Variants in IL2RB observed in about 807,000 individuals in gnomAD.
IL2RB encodes interleukin-2 receptor subunit beta.
A neutral mutation model predicts 44.2 loss-of-function variants in IL2RB; 17 were observed. The observed-to-expected ratio is 0.38, with a 90% confidence interval of 0.26 to 0.58. The LOEUF (loss-of-function observed/expected upper bound fraction) is 0.58, where lower values mean the gene tolerates loss of function less well. Ranked by LOEUF, IL2RB falls within the 20% of genes least tolerant of loss-of-function variation. IL2RB has a pLI of 0.63. For missense variants in IL2RB, 624 were observed against 685.5 expected, an observed-to-expected ratio of 0.91 and a Z score of 1.00; for synonymous variants, 286 against 297.9, an observed-to-expected ratio of 0.96 and a Z score of 0.41.
At chr22:37,143,817 A>G (rs898357643) in intron 2 of IL2RB, among the ~76,000 whole-genome samples, 182 bp from the exon 3 acceptor site, 2 of 152,078 alleles carry the variant, frequency 1.3e-5, no homozygotes, top group Admixed American at 6.5e-5. Flanking sequence ...CAGAGCCTGC[A>G]AGTTCCTACA....
intron 1 of IL2RB, among the ~76,000 whole-genome samples, chr22:37,174,805 C>T (rs5756536): frequency 0.26 from 40,116 of 152,118 alleles, 5,800 homozygotes; most frequent in East Asian, 0.45. Context: ...GATATGACAC[C>T]TGGACCCAGA....
At chr22:37,138,977 A>C in intron 5 of IL2RB, 140 bp downstream of exon 5, 1 of 618,978 alleles carries the variant, frequency 1.6e-6, no homozygotes, top group African/African-American at 1.8e-5. Flanking sequence ...CGTCATCCCG[A>C]GAACAGCGGG....
At chr22:37,163,075 C>T (rs1267600665) in intron 1 of IL2RB, among the ~76,000 whole-genome samples, 1 of 152,208 alleles carries the variant, frequency 6.6e-6, no homozygotes, top group Non-Finnish European at 1.5e-5. Context: ...AGGGTCGCTC[C>T]CTGCAGTCAT....
In IL2RB at chr22:37,128,014, G is replaced by T; in HGVS notation, c.*82C>A. On this transcript the variant is annotated 3_prime_UTR_variant, in exon 10 of 10. Coordinates refer to ENST00000216223, the MANE Select transcript of IL2RB (RefSeq NM_000878.5). The surrounding 1 kb of genome is among the most constrained non-coding windows in gnomAD (Gnocchi z 4.5). ...AACTGGACACTGAGTGTCCTCAGCA[G>T]TGGACTGAGGACCCTCAACAGGGTC... The T allele has an allele frequency of 1.7e-6, 2 of 1,176,990 alleles. No homozygotes were observed. The highest frequency in any genetic ancestry group is 2.3e-6 in the Non-Finnish European group (2 of 878,580). 72.9% of individuals were successfully genotyped at this position (1,176,990 alleles called of 1,614,324 possible).
At chr22:37,155,682 C>G in intron 1 of IL2RB, among the ~76,000 whole-genome samples, 1 of 152,232 alleles carries the variant, frequency 6.6e-6, no homozygotes, top group East Asian at 1.9e-4. Context: ...AGAAGCTTCT[C>G]TGATGGCAGA....
chr22:37,136,533 T>C (rs908631655), intron 6 of IL2RB, 140 bp from the exon 7 acceptor site: 2 of 877,698 alleles, frequency 2.3e-6, no homozygotes, highest in Non-Finnish European at 3.4e-6. Context: ...CACTACCCAG[T>C]TGCTGGGGCC....
chr22:37,136,815 C>T (rs1921730206), intron 6 of IL2RB, among the ~76,000 whole-genome samples: 1 of 152,204 alleles, frequency 6.6e-6, no homozygotes, highest in African/African-American at 2.4e-5. Context: ...TTGCCTCCTC[C>T]TGCTCCCCAG....
At chr22:37,140,663 C>G (rs1431190365) in intron 4 of IL2RB, among the ~76,000 whole-genome samples, 2 of 125,222 alleles carry the variant, frequency 1.6e-5, no homozygotes, top group East Asian at 4.9e-4. Flanking sequence ...TCCTGCCCCT[C>G]AAGAAGACAT....
intron 1 of IL2RB, among the ~76,000 whole-genome samples, chr22:37,144,438 A>G (rs1009639093): frequency 6.6e-6 from 1 of 152,332 alleles, no homozygotes; most frequent in Middle Eastern, 3.4e-3. Context: ...TTCTTTGACT[A>G]GACTACATAA....
chr22:37,135,809 T>A (rs1027225336), intron 7 of IL2RB, among the ~76,000 whole-genome samples: 3 of 151,850 alleles, frequency 2.0e-5, no homozygotes, highest in African/African-American at 7.3e-5. Context: ...ACTCGAAATG[T>A]GGTGCGATGA....
intron 1 of IL2RB, among the ~76,000 whole-genome samples, chr22:37,149,171 G>A (rs1231716218): frequency 6.6e-6 from 1 of 152,106 alleles, no homozygotes; most frequent in Admixed American, 6.5e-5. Flanking sequence ...TGAGCTCCAG[G>A]CAGCCCCAAA....
chr22:37,128,610 TA>T lies in IL2RB; in HGVS notation c.1141del (p.Tyr381ThrfsTer151). 6.2e-7 allele frequency: 1 copy of T among 1,614,060 alleles called. No individual in the cohort carries two copies. Among genetic ancestry groups the T allele is most frequent in the Non-Finnish European group, 8.5e-7 (1 of 1,179,964 alleles). On this transcript the variant is annotated frameshift_variant, in exon 10 of 10. Transcript: ENST00000216223. LOFTEE classifies it low-confidence loss of function (END_TRUNC). This position sits in a 1 kb window ranked among gnomAD's most constrained non-coding sequence, Gnocchi z 4.5. Reference protein sequence around the residue: ...DALEIEACQVYFTYDPYSEED... With the variant: ...DALEIEACQVXFTYDPYSEED... ...CTCTGAGTAGGGGTCGTAAGTAAAG[TA>T]CACCTGGCAGGCCTCTATCTCCAAG...
intron 1 of IL2RB, 29 bp downstream of exon 1, chr22:37,149,796 G>A: frequency 2.1e-6 from 2 of 969,122 alleles, no homozygotes; most frequent in Non-Finnish European, 2.5e-6. Context: ...TGGTCCACAG[G>A]GGCCGGGAGG....
At chr22:37,173,752 G>C (rs1442657956) in intron 1 of IL2RB, among the ~76,000 whole-genome samples, 1 of 149,492 alleles carries the variant, frequency 6.7e-6, no homozygotes, top group African/African-American at 2.6e-5. Flanking sequence ...AAACTGCCAG[G>C]GGGGGTTGGG....
chr22:37,168,947 G>T (rs570987355), intron 1 of IL2RB, among the ~76,000 whole-genome samples: 4 of 152,036 alleles, frequency 2.6e-5, no homozygotes, highest in African/African-American at 9.7e-5. Context: ...TTACAGAGGG[G>T]TTATTGCTTA....
intron 1 of IL2RB, among the ~76,000 whole-genome samples, chr22:37,163,486 C>T (rs955426245): frequency 6.6e-6 from 1 of 152,298 alleles, no homozygotes; most frequent in Admixed American, 6.5e-5. Flanking sequence ...GCCTACTGAG[C>T]AAGCAGGAAC....
intron 1 of IL2RB, among the ~76,000 whole-genome samples, chr22:37,156,318 G>A (rs1301751375): frequency 6.6e-6 from 1 of 152,224 alleles, no homozygotes; most frequent in Non-Finnish European, 1.5e-5. Flanking sequence ...CAGTGTCCCA[G>A]TTAGGATGAA....
Position 37,136,216 on chromosome 22 carries a change from G to T in IL2RB, c.703+12C>A. On this transcript the variant is annotated intron_variant, in intron 7 of 9. Coordinates refer to ENST00000216223, the MANE Select transcript of IL2RB (RefSeq NM_000878.5). ...GCCTGAGCCCCCTCTCACCCTTGCC[G>T]CCCACCAGTACCTGCAGGCTTTGTC... 1.9e-6 allele frequency: 3 copies of T among 1,603,752 alleles called. No individual in the cohort carries two copies. Among genetic ancestry groups the T allele is most frequent in the Non-Finnish European group, 1.7e-6 (2 of 1,176,366 alleles).
Position 37,128,167 on chromosome 22 carries a change from G to C in IL2RB, c.1585C>G (p.Leu529Val). Residue 529 changes from leucine to valine, a missense_variant, in exon 10 of 10, where the codon CTG becomes GTG. Physicochemically the swap from Leu to Val is conservative, Grantham distance 32. Around this residue, in one of 3 missense-constraint regions of IL2RB, gnomAD observed 291 missense variants for 275.5 expected, o/e 1.06. Coordinates refer to ENST00000216223, the MANE Select transcript of IL2RB (RefSeq NM_000878.5). The surrounding 1 kb of genome is among the most constrained non-coding windows in gnomAD (Gnocchi z 4.5). ...QGEFRALNAR[L>V]PLNTDAYLSL... ...AAGTAGGCATCAGTGTTCAGGGGCA[G>C]GCGAGCATTAAGGGCCCTGAACTCC... 1.9e-6 allele frequency: 3 copies of C among 1,566,924 alleles called. No homozygotes were observed. Among genetic ancestry groups the C allele is most frequent in the Non-Finnish European group, 2.6e-6 (3 of 1,161,342 alleles).
Sources: gnomAD v4.1 joint callset for allele counts (sites outside exome capture counted in the v4.1 genomes callset) on GRCh38, gnomAD v4.1.1 for gene constraint, gnomAD v4.1.1 regional missense constraint, Gnocchi (gnomAD v3.1) non-coding constraint, MANE v1.5 for transcripts, NCBI Gene and HGNC (gene_info 2026-07-23, HGNC 2026-07-21) for gene names.